GLYATL3: variants seen among roughly 807,000 people sequenced by gnomAD.
GLYATL3 encodes the protein glycine N-acyltransferase-like protein 3.
A neutral mutation model predicts 28.5 loss-of-function variants in GLYATL3; 31 were observed. The ratio of observed to expected loss-of-function variants is 1.09; its 90% confidence interval spans 0.82 to 1.47. GLYATL3 has a LOEUF of 1.47. Among genes scored for constraint, GLYATL3 ranks in the 40% most tolerant of loss-of-function variants. The pLI is 0.00. For missense variants in GLYATL3, 369 were observed against 351.5 expected (o/e 1.05, Z -0.40); for synonymous variants, 141 against 140.2 (o/e 1.01, Z -0.04).
intron 1 of GLYATL3, among the ~76,000 whole-genome samples, chr6:49,500,367 A>G (rs1435253994): frequency 6.6e-6 from 1 of 152,126 alleles, no homozygotes; most frequent in Non-Finnish European, 1.5e-5. Flanking sequence ...TAACATATGA[A>G]AAATAATTAC....
intron 1 of GLYATL3, among the ~76,000 whole-genome samples, chr6:49,510,863 A>G (rs1769109096): frequency 6.6e-6 from 1 of 152,208 alleles, no homozygotes; most frequent in African/African-American, 2.4e-5. Context: ...ACAGGGCTTG[A>G]TCATATGCTT....
At chr6:49,500,840 G>A (rs942152700) in intron 1 of GLYATL3, among the ~76,000 whole-genome samples, 1 of 152,154 alleles carries the variant, frequency 6.6e-6, no homozygotes, top group Non-Finnish European at 1.5e-5. Flanking sequence ...TTACAAAAAT[G>A]TGTAGAAAAT....
At chr6:49,516,781 A>C (rs1230811829) in intron 3 of GLYATL3, among the ~76,000 whole-genome samples, 1 of 152,058 alleles carries the variant, frequency 6.6e-6, no homozygotes, top group Non-Finnish European at 1.5e-5. Context: ...GCAACAAAGC[A>C]AGACCCTGTT....
At chr6:49,507,857 C>A (rs1351142332) in intron 1 of GLYATL3, among the ~76,000 whole-genome samples, 1 of 152,096 alleles carries the variant, frequency 6.6e-6, no homozygotes, top group Non-Finnish European at 1.5e-5. Flanking sequence ...ACCAGCATTT[C>A]TTATTAAGTT....
chr6:49,504,006 C>T (rs139609907), intron 1 of GLYATL3, among the ~76,000 whole-genome samples: 9 of 152,222 alleles, frequency 5.9e-5, no homozygotes, highest in Non-Finnish European at 1.0e-4. Flanking sequence ...TCGATAGGAG[C>T]GTCCATCCAC....
chr6:49,512,934 G>A (rs1020839368), intron 2 of GLYATL3, among the ~76,000 whole-genome samples: 4 of 152,082 alleles, frequency 2.6e-5, no homozygotes, highest in Admixed American at 6.6e-5. Flanking sequence ...ATGTGGTAAC[G>A]AAAATATGAA....
Position 49,501,862 on chromosome 6 carries a change from C to G in GLYATL3, c.-29+1820C>G, listed in dbSNP as rs532273228. Among the ~76,000 whole-genome samples, 3 of 152,214 alleles carry G rather than the reference C, an allele frequency of 2.0e-5. No homozygotes were observed. The South Asian group carries it at 6.2e-4, about 31-fold the overall frequency. On this transcript the variant is annotated intron_variant, in intron 1 of 5. Coordinates refer to ENST00000371197, the MANE Select transcript of GLYATL3 (RefSeq NM_001010904.2). ...CACCCCTCATTCGTCCATTTATAGG[C>G]TATCCACAAGGGTCGCATTCCATTC...
intron 5 of GLYATL3, 58 bp from the exon 6 acceptor site, chr6:49,526,430 G>A: frequency 7.0e-7 from 1 of 1,419,798 alleles, no homozygotes; most frequent in Non-Finnish European, 9.6e-7. Flanking sequence ...AAAATGTGTA[G>A]TTATGTATAA....
chr6:49,526,041 A>C (rs1460839212), intron 5 of GLYATL3, among the ~76,000 whole-genome samples: 3 of 152,152 alleles, frequency 2.0e-5, no homozygotes, highest in East Asian at 3.9e-4. Flanking sequence ...GTGTTGGTAA[A>C]TCGGGAATGG....
intron 1 of GLYATL3, among the ~76,000 whole-genome samples, chr6:49,506,781 G>T (rs1769018419): frequency 6.6e-6 from 1 of 152,146 alleles, no homozygotes; most frequent in Admixed American, 6.5e-5. Context: ...TGTTTGGAAA[G>T]TGGCCACTGC....
At chr6:49,521,919 G>T in intron 5 of GLYATL3, 148 bp downstream of exon 5, 5 of 625,190 alleles carry the variant, frequency 8.0e-6, no homozygotes, top group Non-Finnish European at 1.4e-5. Flanking sequence ...GTGTGTGAGT[G>T]TGTGTGTGTG....
intron 1 of GLYATL3, among the ~76,000 whole-genome samples, chr6:49,509,253 A>G (rs1326583458): frequency 2.0e-5 from 3 of 152,196 alleles, no homozygotes; most frequent in Non-Finnish European, 4.4e-5. Flanking sequence ...TCAATACTGA[A>G]ACATTGTTCC....
chr6:49,511,624 G>T (rs989999314), intron 1 of GLYATL3, among the ~76,000 whole-genome samples: 2 of 152,114 alleles, frequency 1.3e-5, no homozygotes, highest in African/African-American at 2.4e-5. Context: ...CAGCTTATAG[G>T]TTACTCAGGA....
At chr6:49,523,724 A>G (rs1029718777) in intron 5 of GLYATL3, among the ~76,000 whole-genome samples, 5 of 152,214 alleles carry the variant, frequency 3.3e-5, no homozygotes, top group African/African-American at 1.2e-4. Flanking sequence ...TTGTCGTAAT[A>G]TTTTTAAGCT....
intron 1 of GLYATL3, 33 bp from the exon 2 acceptor site, chr6:49,511,930 A>T: frequency 1.2e-6 from 1 of 828,798 alleles, no homozygotes; most frequent in South Asian, 1.8e-5. Flanking sequence ...TAACAGGCAA[A>T]AATTAAATGC....
At chr6:49,518,940 CA>C (rs146758449) in intron 4 of GLYATL3, among the ~76,000 whole-genome samples, 5 of 145,496 alleles carry the variant, frequency 3.4e-5, no homozygotes, top group African/African-American at 7.7e-5. Context: ...GACTCCATCT[CA>C]AAAAAAAAAG....
chr6:49,513,179 GTTTCA>G (rs1769153459), intron 2 of GLYATL3, among the ~76,000 whole-genome samples: 1 of 152,114 alleles, frequency 6.6e-6, no homozygotes, highest in Admixed American at 6.5e-5. Context: ...AGAAAATACA[GTTTCA>G]TTTATTTAAA....
chr6:49,519,048 A>G (rs1240769347), intron 4 of GLYATL3, among the ~76,000 whole-genome samples: 2 of 152,216 alleles, frequency 1.3e-5, no homozygotes, highest in Non-Finnish European at 2.9e-5. Flanking sequence ...CTGGTTAGAA[A>G]TGAGACATGA....
At chr6:49,502,794 T>G (rs557307880) in intron 1 of GLYATL3, among the ~76,000 whole-genome samples, 2 of 152,234 alleles carry the variant, frequency 1.3e-5, no homozygotes, top group East Asian at 1.9e-4. Flanking sequence ...AATAAATAAT[T>G]TACTCCTTTT....
Sources: allele counts gnomAD v4.1 joint callset (sites outside exome capture counted in the v4.1 genomes callset), GRCh38; gene constraint gnomAD v4.1.1; transcripts MANE v1.5; gene names NCBI Gene and HGNC (gene_info 2026-07-23, HGNC 2026-07-21).